The following TMEM177 variants were observed in gnomAD, a reference collection of about 807,000 sequenced individuals.
The protein encoded by TMEM177 is transmembrane protein 177.
TMEM177 carries 4 observed loss-of-function variants against 14.2 expected under a neutral mutation model. The ratio of observed to expected loss-of-function variants is 0.28; its 90% CI spans 0.14 to 0.64. The LOEUF is 0.64. Among genes scored for constraint, TMEM177 ranks in the 30% least tolerant of loss-of-function variants. The pLI is 0.82. For synonymous variants in TMEM177, 179 were observed against 174.5 expected, an observed-to-expected ratio of 1.03 and a Z score of -0.20; for missense variants, 344 against 405.2, an observed-to-expected ratio of 0.85 and a Z score of 1.30.
downstream of TMEM177, among the ~76,000 whole-genome samples, chr2:119,688,993 G>C (rs1243410883): frequency 1.3e-5 from 2 of 151,992 alleles, no homozygotes; most frequent in Non-Finnish European, 2.9e-5. Flanking sequence ...ACTGTGGCTC[G>C]AGAACTCCCC....
intron 1 of TMEM177, chr2:119,679,500 C>T (rs1286035618): frequency 6.6e-6 from 1 of 152,104 alleles, no homozygotes; most frequent in East Asian, 1.9e-4. Context: ...AAAAAAAGCC[C>T]GAATGATAAT....
the TMEM177 span, among the ~76,000 whole-genome samples, chr2:119,722,583 G>A: frequency 1.3e-5 from 2 of 152,224 alleles, no homozygotes; most frequent in African/African-American, 4.8e-5. Context: ...TCTACTTGAT[G>A]TAAGTGCTTA....
chr2:119,714,435 G>A, the TMEM177 span, among the ~76,000 whole-genome samples: 30 of 152,204 alleles, frequency 2.0e-4, no homozygotes, highest in Non-Finnish European at 4.4e-5. Context: ...AATGCTCAGT[G>A]TTTCTCATCT....
chr2:119,680,695 A>G (rs1042952659), intron 1 of TMEM177, 137 bp from the exon 2 acceptor site: 2 of 664,256 alleles, frequency 3.0e-6, no homozygotes, highest in African/African-American at 3.6e-5. Context: ...GAACACAGGC[A>G]CTCTGGCTCT....
At chr2:119,692,236 T>C in the TMEM177 span, among the ~76,000 whole-genome samples, 4 of 152,210 alleles carry the variant, frequency 2.6e-5, no homozygotes, top group South Asian at 8.3e-4. Context: ...CTTGCATCCA[T>C]ATGAATCGAT....
chr2:119,713,607 A>G, the TMEM177 span, among the ~76,000 whole-genome samples: 1 of 152,134 alleles, frequency 6.6e-6, no homozygotes, highest in Non-Finnish European at 1.5e-5. Context: ...TGGGAGCCCG[A>G]GGCAGGAGGA....
downstream of TMEM177, among the ~76,000 whole-genome samples, chr2:119,691,430 G>T (rs908340314): frequency 6.6e-6 from 1 of 152,172 alleles, no homozygotes; most frequent in Admixed American, 6.5e-5. Flanking sequence ...AGCAGTGACT[G>T]AATTAGAGCT....
At position 119,680,878 on chromosome 2, in the gene TMEM177, G is replaced by A. The variant is rs758353670; in HGVS notation, c.25G>A (p.Ala9Thr). Residue 9 changes from alanine (A) to threonine (T), a missense_variant, in exon 2 of 2, where the codon GCA (alanine) becomes ACA (threonine). Physicochemically the swap from Ala to Thr is moderately conservative, Grantham distance 58. Coordinates refer to ENST00000272521, the MANE Select transcript of TMEM177 (RefSeq NM_030577.3). ...CATGGCAGGTCCCCTGTGGCGGACC[G>A]CAGCATTTGTGCAGAGACACAGGAC... MAGPLWRT[A>T]AFVQRHRTGL... 1.8e-5 allele frequency: 29 copies of A among 1,613,542 alleles called. No individual in the cohort carries two copies. The highest frequency in any genetic ancestry group is 2.2e-5 in the South Asian group (2 of 91,076).
chr2:119,709,132 AT>A, the TMEM177 span, among the ~76,000 whole-genome samples: 1 of 152,162 alleles, frequency 6.6e-6, no homozygotes, highest in Non-Finnish European at 1.5e-5. Context: ...CTTTGGGTGG[AT>A]TTTCCACTGT....
the TMEM177 span, among the ~76,000 whole-genome samples, chr2:119,718,426 G>A: frequency 2.0e-5 from 3 of 152,282 alleles, no homozygotes; most frequent in East Asian, 3.9e-4. Flanking sequence ...TGAGGTGGGC[G>A]AGTGCTTGGT....
chr2:119,692,325 A>G, the TMEM177 span, among the ~76,000 whole-genome samples: 3 of 152,334 alleles, frequency 2.0e-5, no homozygotes, highest in East Asian at 5.8e-4. Flanking sequence ...AACCTGGGGA[A>G]GGCGGAACTG....
At chr2:119,709,934 G>T in the TMEM177 span, among the ~76,000 whole-genome samples, 1 of 152,110 alleles carries the variant, frequency 6.6e-6, no homozygotes, top group South Asian at 2.1e-4. Context: ...CAAAATGTAC[G>T]CACTTGTAAA....
the TMEM177 span, among the ~76,000 whole-genome samples, chr2:119,720,070 A>G: frequency 1.3e-5 from 2 of 152,236 alleles, no homozygotes; most frequent in East Asian, 1.9e-4. Flanking sequence ...TGCTAGGATT[A>G]TAGGTATGAA....
At chr2:119,715,194 G>A in the TMEM177 span, among the ~76,000 whole-genome samples, 33,969 of 152,078 alleles carry the variant, frequency 0.22, 3,904 homozygotes, top group South Asian at 0.32. Context: ...ACCAGTCTGG[G>A]CAACAAAGTG....
chr2:119,679,913 G>A (rs375588276), intron 1 of TMEM177, among the ~76,000 whole-genome samples: 1 of 152,204 alleles, frequency 6.6e-6, no homozygotes, highest in Non-Finnish European at 1.5e-5. Flanking sequence ...CGAAGTACCG[G>A]AGACTGGGTG....
the TMEM177 span, among the ~76,000 whole-genome samples, chr2:119,702,637 TA>T: frequency 3.3e-5 from 5 of 152,064 alleles, no homozygotes; most frequent in African/African-American, 1.2e-4. Context: ...TAATGCAAAA[TA>T]AAGTTACTTT....
rs1688916976 is a variant in TMEM177, at chr2:119,681,888, A to G, written c.*99A>G. The G allele has an allele frequency of 4.6e-6, 5 of 1,085,912 alleles. No individual in the cohort carries two copies. In the Admixed American group the frequency reaches 1.2e-4, roughly 26 times the overall value. 67.3% of individuals were successfully genotyped at this position (1,085,912 alleles called of 1,614,324 possible). ...GCCTTTGGACCTATAGCTCACGGCCAGAAAAATCACTGGCTTTGGAATTAA... is the reference window on the plus strand; with the variant it reads ...GCCTTTGGACCTATAGCTCACGGCCGGAAAAATCACTGGCTTTGGAATTAA... On this transcript the variant is annotated 3_prime_UTR_variant, in exon 2 of 2. Transcript: ENST00000272521.
chr2:119,720,882 G>A, the TMEM177 span, among the ~76,000 whole-genome samples: 1 of 152,162 alleles, frequency 6.6e-6, no homozygotes, highest in African/African-American at 2.4e-5. Context: ...AATGAGGAAA[G>A]TACTAGCTCA....
chr2:119,682,495 T>C (rs57342498), downstream of TMEM177, among the ~76,000 whole-genome samples: 22,054 of 152,100 alleles, frequency 0.14, 1,653 homozygotes, highest in Middle Eastern at 0.19. Context: ...GAGGCTGTTT[T>C]AAGGTGAGGG....
Sources: allele counts gnomAD v4.1 joint callset (sites outside exome capture counted in the v4.1 genomes callset), GRCh38; gene constraint gnomAD v4.1.1; transcripts MANE v1.5; gene names NCBI Gene and HGNC (gene_info 2026-07-23, HGNC 2026-07-21).